TAFA5: variants seen among roughly 807,000 people sequenced by gnomAD.
The protein encoded by TAFA5 is TAFA chemokine like family member 5, also known as chemokine-like protein TAFA-5.
A neutral mutation model predicts 15.3 loss-of-function variants in TAFA5; 6 were observed. The ratio of observed to expected loss-of-function variants is 0.39; its 90% confidence interval spans 0.21 to 0.77. The LOEUF (loss-of-function observed/expected upper bound fraction) is 0.77. Ranked by LOEUF, TAFA5 falls within the 30% of genes least tolerant of loss-of-function variation. The pLI, the probability that TAFA5 is intolerant of heterozygous loss-of-function variation, is 0.41. For missense variants in TAFA5, 161 were observed against 193.1 expected, an observed-to-expected ratio of 0.83 and a Z score of 0.98; for synonymous variants, 103 against 80.7, an observed-to-expected ratio of 1.28 and a Z score of -1.48.
chr22:48,740,395 G>T (rs1243766552), intron 3 of TAFA5, among the ~76,000 whole-genome samples: 4 of 152,228 alleles, frequency 2.6e-5, no homozygotes, highest in Admixed American at 2.6e-4. Context: ...CCCTCCCTGT[G>T]TGTTTGCAGA....
intron 1 of TAFA5, among the ~76,000 whole-genome samples, chr22:48,499,803 C>G (rs1338115252): frequency 6.6e-6 from 1 of 152,210 alleles, no homozygotes; most frequent in Admixed American, 6.5e-5. Context: ...CAAGGCGGAC[C>G]TTCCCTCCCG....
At chr22:48,509,405 T>C (rs1224537230) in intron 1 of TAFA5, among the ~76,000 whole-genome samples, 2 of 152,242 alleles carry the variant, frequency 1.3e-5, no homozygotes, top group African/African-American at 4.8e-5. Context: ...CCACAACGGC[T>C]GTACTGATTT....
chr22:48,600,397 C>T (rs999682677), intron 1 of TAFA5, among the ~76,000 whole-genome samples: 2 of 152,322 alleles, frequency 1.3e-5, no homozygotes. Context: ...GGAGGCCTCG[C>T]ACCAGCTCTG....
rs1015635734 is a variant in TAFA5, at chr22:48,683,015, G to A, written c.263-24702G>A. The stretch of plus-strand genomic sequence containing the variant: ...AGAAATGTACTCTATTGCATCTTTC[G>A]GTAATATTCAGCTAGTGTTCATGGA... On this transcript the variant is annotated intron_variant, in intron 2 of 3. Transcript: ENST00000402357. Among the ~76,000 whole-genome samples, 5 of 152,044 alleles carry A rather than the reference G, an allele frequency of 3.3e-5. No individual in the cohort carries two copies. In the East Asian group the frequency reaches 5.8e-4, roughly 18 times the overall value.
chr22:48,748,624 C>T (rs1465231738), intron 3 of TAFA5, among the ~76,000 whole-genome samples: 11 of 152,206 alleles, frequency 7.2e-5, no homozygotes, highest in Admixed American at 3.3e-4. Context: ...TCTAATCCCA[C>T]AGCCCCGTTG....
intron 1 of TAFA5, among the ~76,000 whole-genome samples, chr22:48,595,178 C>G (rs537654361): frequency 6.6e-6 from 1 of 152,150 alleles, no homozygotes; most frequent in Admixed American, 6.5e-5. Flanking sequence ...AATTGGGGCC[C>G]GCCAGTGGCA....
At position 48,560,484 on chromosome 22, in the gene TAFA5, G is replaced by T. The variant is rs1255071455; in HGVS notation, c.112+70780G>T. Among the ~76,000 whole-genome samples the T allele has an allele frequency of 6.6e-6, 1 of 152,338 alleles. No individual in the cohort carries two copies. The highest frequency in any genetic ancestry group is 2.4e-5 in the African/African-American group (1 of 41,568). ...AGGACAGTGCCAGCAGGCGCCCCCA[G>T]TGTGAACTAATGTGAGGTGCTTTCA... On this transcript the variant is annotated intron_variant, in intron 1 of 3. Transcript: ENST00000402357. The surrounding 1 kb of genome is among the most constrained non-coding windows in gnomAD (Gnocchi z 4.2).
chr22:48,586,533 AC>A, intron 1 of TAFA5, among the ~76,000 whole-genome samples: 1 of 152,260 alleles, frequency 6.6e-6, no homozygotes, highest in Admixed American at 6.5e-5. Context: ...CTTGTGCAAA[AC>A]CCAGGAGCCA....
At chr22:48,734,563 G>C (rs1380445640) in intron 3 of TAFA5, among the ~76,000 whole-genome samples, 2 of 152,374 alleles carry the variant, frequency 1.3e-5, no homozygotes, top group East Asian at 3.9e-4. Context: ...TCTGGGCTTT[G>C]GGGCGGCCTG....
At position 48,552,589 on chromosome 22, in the gene TAFA5, G is replaced by T. The variant is rs987859395; in HGVS notation, c.112+62885G>T. ...ATGCCCAGCTCTGCCTAAATGGATC[G>T]ATCATCTAGAACCCCCGTCGCAGGG... On this transcript the variant is annotated intron_variant, in intron 1 of 3. Transcript: ENST00000402357. The surrounding 1 kb of genome is among the most constrained non-coding windows in gnomAD (Gnocchi z 4.1). Among the ~76,000 whole-genome samples the T allele has an allele frequency of 3.3e-5, 5 of 152,102 alleles. No homozygotes were observed. The East Asian group carries it at 9.7e-4, about 29-fold the overall frequency.
chr22:48,719,552 G>A (rs901135216), intron 3 of TAFA5, among the ~76,000 whole-genome samples: 1 of 150,006 alleles, frequency 6.7e-6, no homozygotes, highest in Non-Finnish European at 1.5e-5. Context: ...CAGGGTGGTG[G>A]TGGGCCGAGG....
chr22:48,617,867 G>A (rs1160809490), intron 1 of TAFA5, among the ~76,000 whole-genome samples: 1 of 152,054 alleles, frequency 6.6e-6, no homozygotes, highest in Non-Finnish European at 1.5e-5. Context: ...GCACATATGG[G>A]TCCAGCCTGT....
At chr22:48,699,329 C>T (rs900709580) in intron 2 of TAFA5, among the ~76,000 whole-genome samples, 3 of 152,126 alleles carry the variant, frequency 2.0e-5, no homozygotes, top group Non-Finnish European at 1.5e-5. Flanking sequence ...AGCTGGGAGC[C>T]CTTACCAGGC....
At chr22:48,583,245 C>T (rs1924160360) in intron 1 of TAFA5, among the ~76,000 whole-genome samples, 1 of 145,894 alleles carries the variant, frequency 6.9e-6, no homozygotes, top group Non-Finnish European at 1.5e-5. Flanking sequence ...ACACACCGCA[C>T]ACACACCACA....
In TAFA5 at chr22:48,576,298, C is replaced by G. The variant is rs186743544; in HGVS notation, c.113-70299C>G. 8.2e-3 allele frequency: 9,557 copies of G among 1,160,070 alleles called. 647 individuals are homozygous for G. In the African/African-American group the frequency reaches 0.14, roughly 17 times the overall value. 71.9% of individuals were successfully genotyped at this position (1,160,070 alleles called of 1,614,324 possible). On this transcript the variant is annotated intron_variant, in intron 1 of 3. Transcript: ENST00000402357. ...CTCCCCCCGCCCGCTCCCCTCCCCC[C>G]TGCCCAGAAAGACACAAATCGCCTC...
intron 1 of TAFA5, among the ~76,000 whole-genome samples, chr22:48,591,809 G>A (rs866969902): frequency 3.3e-5 from 5 of 152,264 alleles, no homozygotes; most frequent in South Asian, 2.1e-4. Flanking sequence ...CTGGGCTCGC[G>A]GAAGCCCACG....
intron 1 of TAFA5, among the ~76,000 whole-genome samples, chr22:48,586,523 C>T (rs571951407): frequency 3.3e-5 from 5 of 152,328 alleles, no homozygotes; most frequent in African/African-American, 1.2e-4. Flanking sequence ...CAGCAGTGAC[C>T]TTGTGCAAAA....
At chr22:48,682,319 T>C (rs1601668305) in intron 2 of TAFA5, among the ~76,000 whole-genome samples, 2 of 152,336 alleles carry the variant, frequency 1.3e-5, no homozygotes, top group East Asian at 3.9e-4. Context: ...AGATGGCACC[T>C]GGGTGAGACC....
chr22:48,495,805 C>A (rs1034269488), intron 1 of TAFA5, among the ~76,000 whole-genome samples: 1 of 152,186 alleles, frequency 6.6e-6, no homozygotes, highest in Non-Finnish European at 1.5e-5. Flanking sequence ...CCCTCCTCCC[C>A]GGCTCTCACC....
Sources: gnomAD v4.1 joint callset for allele counts (sites outside exome capture counted in the v4.1 genomes callset) on GRCh38, gnomAD v4.1.1 for gene constraint, Gnocchi (gnomAD v3.1) non-coding constraint, MANE v1.5 for transcripts, NCBI Gene and HGNC (gene_info 2026-07-23, HGNC 2026-07-21) for gene names.